Variants in NTM observed in about 807,000 individuals in gnomAD.
The protein encoded by NTM is IgLON family member 2.
In NTM, 13 loss-of-function variants were observed where a neutral mutation model predicts 42.1. The ratio of observed to expected loss-of-function variants is 0.31; its 90% confidence interval spans 0.20 to 0.49. The LOEUF is 0.49. Ranked by LOEUF, NTM falls within the 20% of genes least tolerant of loss-of-function variation. NTM has a pLI of 0.99. For synonymous variants in NTM, 187 were observed against 179.2 expected (o/e 1.04, Z -0.35); for missense variants, 373 against 452.8 (o/e 0.82, Z 1.60).
At chr11:131,923,475 C>T (rs2057510710) in intron 2 of NTM, among the ~76,000 whole-genome samples, 1 of 152,100 alleles carries the variant, frequency 6.6e-6, no homozygotes, top group Non-Finnish European at 1.5e-5. Flanking sequence ...ATAGGGTGTG[C>T]GTGAGCTGGC....
intron 1 of NTM, among the ~76,000 whole-genome samples, chr11:131,732,045 C>T (rs764485410): frequency 2.0e-5 from 3 of 152,042 alleles, no homozygotes; most frequent in South Asian, 2.1e-4. Context: ...TGATCTTGGG[C>T]GCATTTAACT....
At chr11:131,589,324 C>T (rs547748697) in intron 1 of NTM, among the ~76,000 whole-genome samples, 1 of 152,188 alleles carries the variant, frequency 6.6e-6, no homozygotes, top group South Asian at 2.1e-4. Flanking sequence ...CCCTGGGACA[C>T]ACATTCTTCA....
intron 1 of NTM, among the ~76,000 whole-genome samples, chr11:131,528,388 C>T (rs1316065393): frequency 6.6e-6 from 1 of 152,168 alleles, no homozygotes; most frequent in Non-Finnish European, 1.5e-5. Flanking sequence ...GTTTAGTTCC[C>T]TTAATGCTCA....
intron 1 of NTM, among the ~76,000 whole-genome samples, chr11:131,892,485 G>C (rs1391670263): frequency 6.6e-6 from 1 of 152,212 alleles, no homozygotes; most frequent in South Asian, 2.1e-4. Context: ...AGCCCTGGCT[G>C]ATTTCTAATT....
intron 1 of NTM, among the ~76,000 whole-genome samples, chr11:131,521,594 G>A (rs774899008): frequency 6.6e-6 from 1 of 151,236 alleles, no homozygotes; most frequent in Non-Finnish European, 1.5e-5. Flanking sequence ...AGCCCGTAGG[G>A]GGACTCTTGT....
intron 2 of NTM, among the ~76,000 whole-genome samples, chr11:132,093,243 A>T (rs1243464610): frequency 6.6e-6 from 1 of 151,524 alleles, no homozygotes; most frequent in African/African-American, 2.4e-5. Flanking sequence ...GGCAATACAG[A>T]CTCTTTCCTG....
At chr11:132,304,035 C>A (rs1337767467) in intron 4 of NTM, among the ~76,000 whole-genome samples, 1 of 152,104 alleles carries the variant, frequency 6.6e-6, no homozygotes, top group Non-Finnish European at 1.5e-5. Flanking sequence ...TGATCCCAAA[C>A]TTTTGCCTCT....
At chr11:132,289,876 T>C (rs1403860398) in intron 4 of NTM, among the ~76,000 whole-genome samples, 4 of 152,226 alleles carry the variant, frequency 2.6e-5, no homozygotes, top group African/African-American at 9.6e-5. Flanking sequence ...AAGCCTTATC[T>C]TTCCACATCC....
intron 2 of NTM, among the ~76,000 whole-genome samples, chr11:131,935,487 C>T (rs2059110869): frequency 6.6e-6 from 1 of 152,040 alleles, no homozygotes; most frequent in Non-Finnish European, 1.5e-5. Context: ...ACTTCCATGT[C>T]CAAAGTTCCC....
At chr11:132,103,963 A>G (rs1359500363) in intron 2 of NTM, among the ~76,000 whole-genome samples, 2 of 152,180 alleles carry the variant, frequency 1.3e-5, no homozygotes, top group Non-Finnish European at 2.9e-5. Context: ...CAAATAGTCT[A>G]TTAGTAGCAG....
At chr11:132,329,957 C>G (rs2095765273) in intron 7 of NTM, 196 bp from the exon 8 acceptor site, 1 of 400,502 alleles carries the variant, frequency 2.5e-6, no homozygotes, top group South Asian at 1.0e-4. Context: ...ACTGGCTGCC[C>G]AAGTAAACCA....
chr11:131,518,677 C>A (rs2049200182), intron 1 of NTM, among the ~76,000 whole-genome samples: 1 of 152,200 alleles, frequency 6.6e-6, no homozygotes. Flanking sequence ...TGACACTGTG[C>A]TGGTGTAAGG....
chr11:131,449,587 C>T (rs556695627), intron 1 of NTM, among the ~76,000 whole-genome samples: 1 of 152,276 alleles, frequency 6.6e-6, no homozygotes, highest in Admixed American at 6.5e-5. Context: ...ATTCCAGCAC[C>T]GGCCAGATCT....
chr11:131,715,467 C>T (rs1039640977), intron 1 of NTM, among the ~76,000 whole-genome samples: 1 of 152,248 alleles, frequency 6.6e-6, no homozygotes, highest in African/African-American at 2.4e-5. Context: ...TGTTTAACAG[C>T]TTTATTGAGG....
At chr11:132,085,550 G>T (rs543994670) in intron 2 of NTM, among the ~76,000 whole-genome samples, 3 of 152,304 alleles carry the variant, frequency 2.0e-5, no homozygotes, top group East Asian at 3.9e-4. Context: ...CATTTTACCA[G>T]TAATCTTTAA....
chr11:132,213,730 CT>C lies in NTM; in HGVS notation c.526+1605del, dbSNP rs59685389. On this transcript the variant is annotated intron_variant, in intron 4 of 8. Transcript: ENST00000683400. ...CTGGGAGCTGTCCTGGGCCACCATT[CT>C]TTTTTTTTTTTTTTTTTTTTTGAGA... Among the ~76,000 whole-genome samples the C allele has an allele frequency of 7.0e-4, 56 of 80,516 alleles. 1 individual carries two copies. In the East Asian group the frequency reaches 8.2e-3, roughly 12 times the overall value. 52.8% of individuals were successfully genotyped at this position (80,516 alleles called of 152,430 possible).
At chr11:132,044,324 A>G (rs1435537073) in intron 2 of NTM, among the ~76,000 whole-genome samples, 2 of 152,104 alleles carry the variant, frequency 1.3e-5, no homozygotes, top group Non-Finnish European at 2.9e-5. Flanking sequence ...TCTTTCTTTC[A>G]TGCAAATATA....
intron 2 of NTM, among the ~76,000 whole-genome samples, chr11:132,037,646 G>C (rs2076672601): frequency 6.6e-6 from 1 of 152,174 alleles, no homozygotes; most frequent in Non-Finnish European, 1.5e-5. Context: ...CCCACTGGGA[G>C]CCAGAAAGGT....
chr11:132,157,492 C>T (rs2137540385), intron 3 of NTM, among the ~76,000 whole-genome samples: 1 of 152,182 alleles, frequency 6.6e-6, no homozygotes, highest in South Asian at 2.1e-4. Flanking sequence ...CCCAGGGGCC[C>T]TAGGGTATGG....
Sources: allele counts gnomAD v4.1 joint callset (sites outside exome capture counted in the v4.1 genomes callset), GRCh38; gene constraint gnomAD v4.1.1; transcripts MANE v1.5; gene names NCBI Gene and HGNC (gene_info 2026-07-23, HGNC 2026-07-21).